BABAM2: variants seen among roughly 807,000 people sequenced by gnomAD.
The protein encoded by BABAM2 is BRISC and BRCA1-A complex member 2.
In BABAM2, 31 loss-of-function variants were observed where a neutral mutation model predicts 54.7. That is an observed-to-expected ratio of 0.57 (90% CI 0.43 to 0.77). The LOEUF (loss-of-function observed/expected upper bound fraction) is 0.77. BABAM2 is among the 30% of genes least tolerant of loss of function. The pLI is 0.00. For missense variants in BABAM2, 364 were observed against 455.8 expected (o/e 0.80, Z 1.83); for synonymous variants, 167 against 162.9 (o/e 1.03, Z -0.19).
chr2:27,903,755 T>C (rs1464606900), intron 2 of BABAM2, among the ~76,000 whole-genome samples: 1 of 152,218 alleles, frequency 6.6e-6, no homozygotes, highest in African/African-American at 2.4e-5. Flanking sequence ...ATTTTTGCAA[T>C]TTGAGGTGCA....
intron 10 of BABAM2, among the ~76,000 whole-genome samples, chr2:28,259,985 C>T (rs1182552840): frequency 6.6e-6 from 1 of 151,804 alleles, no homozygotes; most frequent in Non-Finnish European, 1.5e-5. Flanking sequence ...ACTGCAACCT[C>T]TTCTTCCCGT....
chr2:27,927,783 A>G (rs1387592894), intron 2 of BABAM2, among the ~76,000 whole-genome samples: 4 of 151,506 alleles, frequency 2.6e-5, no homozygotes, highest in Non-Finnish European at 5.9e-5. Context: ...CCTGAAGATA[A>G]TGAGGAATAA....
intron 6 of BABAM2, among the ~76,000 whole-genome samples, chr2:28,091,270 A>G (rs1666131998): frequency 6.6e-6 from 1 of 152,232 alleles, no homozygotes; most frequent in African/African-American, 2.4e-5. Flanking sequence ...CCTTTAATAG[A>G]GAGTCTTTTA....
At chr2:28,113,296 A>G (rs1269363164) in intron 6 of BABAM2, among the ~76,000 whole-genome samples, 2 of 150,366 alleles carry the variant, frequency 1.3e-5, no homozygotes, top group Non-Finnish European at 3.0e-5. Flanking sequence ...GTCCTGATGG[A>G]TTAAATCTTT....
intron 10 of BABAM2, among the ~76,000 whole-genome samples, chr2:28,271,086 T>G (rs996589287): frequency 1.3e-5 from 2 of 152,164 alleles, no homozygotes; most frequent in Non-Finnish European, 2.9e-5. Flanking sequence ...TCTTCCCAGT[T>G]TGGAAGATAG....
At chr2:28,002,825 A>T (rs1673672174) in intron 4 of BABAM2, among the ~76,000 whole-genome samples, 1 of 152,222 alleles carries the variant, frequency 6.6e-6, no homozygotes, top group Admixed American at 6.5e-5. Flanking sequence ...TGACTAATTT[A>T]AGTGAAATAA....
chr2:28,042,031 A>G (rs2148603342), intron 5 of BABAM2, among the ~76,000 whole-genome samples: 1 of 152,046 alleles, frequency 6.6e-6, no homozygotes, highest in African/African-American at 2.4e-5. Flanking sequence ...TTGAAGGGAG[A>G]CTCAGGATAT....
intron 7 of BABAM2, among the ~76,000 whole-genome samples, chr2:28,172,430 C>T (rs180845160): frequency 9.2e-5 from 14 of 152,278 alleles, no homozygotes; most frequent in African/African-American, 3.1e-4. Context: ...TCCCATCCTG[C>T]GTGTATCTAC....
intron 10 of BABAM2, among the ~76,000 whole-genome samples, chr2:28,290,964 G>A (rs1029503459): frequency 2.0e-5 from 3 of 152,136 alleles, no homozygotes; most frequent in Non-Finnish European, 4.4e-5. Flanking sequence ...ACAGAACAGT[G>A]TATAAAGTTA....
chr2:28,298,291 G>T, intron 10 of BABAM2, 47 bp from the exon 11 acceptor site: 1 of 1,574,624 alleles, frequency 6.4e-7, no homozygotes, highest in Admixed American at 1.9e-5. Flanking sequence ...AAAATCTTAA[G>T]ATGTGTTTAT....
chr2:28,237,452 A>T (rs1682017117), intron 8 of BABAM2, 151 bp downstream of exon 8: 1 of 650,664 alleles, frequency 1.5e-6, no homozygotes, highest in Non-Finnish European at 2.7e-6. Flanking sequence ...TGTGAATTAC[A>T]GTTAATCTGT....
chr2:28,242,695 C>G (rs1318271849), intron 9 of BABAM2, among the ~76,000 whole-genome samples: 1 of 152,116 alleles, frequency 6.6e-6, no homozygotes, highest in Admixed American at 6.6e-5. Context: ...ATATAATTTT[C>G]AAACCATGGC....
chr2:28,246,040 C>G (rs746715111), intron 10 of BABAM2, among the ~76,000 whole-genome samples: 15 of 152,142 alleles, frequency 9.9e-5, no homozygotes, highest in Admixed American at 6.5e-5. Flanking sequence ...TAGAGATGAT[C>G]GAGCGCAGGC....
intron 3 of BABAM2, among the ~76,000 whole-genome samples, chr2:27,980,776 T>A (rs1009241215): frequency 2.4e-4 from 36 of 152,120 alleles, no homozygotes; most frequent in Non-Finnish European, 5.0e-4. Flanking sequence ...TACTGGTTGG[T>A]TGCCTTAAAA....
chr2:28,313,269 A>G (rs1040185781), intron 11 of BABAM2, among the ~76,000 whole-genome samples: 2 of 152,262 alleles, frequency 1.3e-5, no homozygotes, highest in African/African-American at 4.8e-5. Flanking sequence ...ACTAGCGTCT[A>G]TGGGCAAAAG....
chr2:28,184,285 T>C (rs12464510), intron 7 of BABAM2, among the ~76,000 whole-genome samples: 98 of 102,156 alleles, frequency 9.6e-4, no homozygotes, highest in Admixed American at 2.5e-3. Context: ...TCTCTCTCTC[T>C]CCCCCCCTCC....
chr2:28,139,419 A>T (rs1670854587), intron 7 of BABAM2, among the ~76,000 whole-genome samples: 1 of 151,312 alleles, frequency 6.6e-6, no homozygotes, highest in Non-Finnish European at 1.5e-5. Flanking sequence ...AAATGCAAAG[A>T]TTAGCTGGGT....
rs78103473 is a variant in BABAM2, at chr2:28,297,060, T to C, written c.935-1278T>C. Reference sequence around the variant, plus strand: ...AAAGACGAACCTTATACATACTTCATAATGACAACTTTAGCTTCCTAAATT... The same window carrying C: ...AAAGACGAACCTTATACATACTTCACAATGACAACTTTAGCTTCCTAAATT... On this transcript the variant is annotated intron_variant, in intron 10 of 11. Coordinates refer to ENST00000379624, the MANE Select transcript of BABAM2 (RefSeq NM_199191.3). Among the ~76,000 whole-genome samples the C allele has an allele frequency of 7.3e-3, 1,107 of 152,318 alleles. 10 individuals carry two copies. Among genetic ancestry groups the C allele is most frequent in the African/African-American group, 0.025 (1,049 of 41,562 alleles).
chr2:28,310,151 T>C (rs1438262536), intron 11 of BABAM2: 1 of 1,613,868 alleles, frequency 6.2e-7, no homozygotes, highest in Non-Finnish European at 8.5e-7. Flanking sequence ...CCAAATTGCA[T>C]AGGTCAGTGA....
Sources: allele counts gnomAD v4.1 joint callset (sites outside exome capture counted in the v4.1 genomes callset), GRCh38; gene constraint gnomAD v4.1.1; transcripts MANE v1.5; gene names NCBI Gene and HGNC (gene_info 2026-07-23, HGNC 2026-07-21).